The following SPEF2 variants were observed in gnomAD, a reference collection of about 807,000 sequenced individuals.
The protein encoded by SPEF2 is sperm flagella and cilia-associated protein 2.
In SPEF2, 187 loss-of-function variants were observed where a neutral mutation model predicts 224.6. That is an observed-to-expected ratio of 0.83 (90% CI 0.74 to 0.94). The LOEUF is 0.94. Among genes scored for constraint, SPEF2 ranks in the 40% least tolerant of loss-of-function variants. The probability of loss-of-function intolerance (pLI) is 0.00; values close to 1 mark genes in which losing one functional copy is unlikely to be tolerated. For missense variants in SPEF2, 2,170 were observed against 2,135.6 expected (o/e 1.02, Z -0.32); for synonymous variants, 715 against 707.3 (o/e 1.01, Z -0.17).
chr5:35,666,795 AATTCCTCATT>A (rs1158446276), intron 8 of SPEF2, among the ~76,000 whole-genome samples: 3 of 152,174 alleles, frequency 2.0e-5, no homozygotes, highest in Non-Finnish European at 4.4e-5. Flanking sequence ...CTTAAGATCC[AATTCCTCATT>A]AATCCACATT....
chr5:35,714,604 A>G (rs1742147599), intron 20 of SPEF2, among the ~76,000 whole-genome samples: 1 of 151,400 alleles, frequency 6.6e-6, no homozygotes, highest in African/African-American at 2.4e-5. Context: ...TTACAATTAC[A>G]TGGCCTCAGT....
chr5:35,757,762 T>C (rs1750660510), intron 24 of SPEF2, among the ~76,000 whole-genome samples: 1 of 152,202 alleles, frequency 6.6e-6, no homozygotes, highest in Non-Finnish European at 1.5e-5. Context: ...GTTTTTCTTG[T>C]CATTTCAAAA....
chr5:35,673,199 G>A (rs747572460), intron 10 of SPEF2, among the ~76,000 whole-genome samples: 3 of 152,158 alleles, frequency 2.0e-5, no homozygotes, highest in Non-Finnish European at 4.4e-5. Context: ...AAAGCCCAAT[G>A]GACCATGGGT....
chr5:35,724,602 C>T (rs1391548815), intron 20 of SPEF2, among the ~76,000 whole-genome samples: 3 of 152,222 alleles, frequency 2.0e-5, no homozygotes, highest in South Asian at 2.1e-4. Flanking sequence ...ACAGCCAGCC[C>T]GCCTAGACTG....
chr5:35,620,095 A>G (rs1743296367), intron 1 of SPEF2, among the ~76,000 whole-genome samples: 1 of 152,210 alleles, frequency 6.6e-6, no homozygotes, highest in South Asian at 2.1e-4. Flanking sequence ...GGAGGTAACC[A>G]GATTCCACAT....
intron 29 of SPEF2, among the ~76,000 whole-genome samples, chr5:35,778,048 C>T (rs1753845110): frequency 6.6e-6 from 1 of 152,130 alleles, no homozygotes. Context: ...AGACAACATT[C>T]TGGAGTTGAA....
intron 26 of SPEF2, chr5:35,764,453 AC>A: frequency 2.5e-6 from 1 of 405,396 alleles, no homozygotes; most frequent in Non-Finnish European, 4.9e-6. Flanking sequence ...CATACACATA[AC>A]TTTAATCCAA....
intron 36 of SPEF2, among the ~76,000 whole-genome samples, chr5:35,810,466 G>C (rs1758467176): frequency 6.6e-6 from 1 of 152,186 alleles, no homozygotes; most frequent in South Asian, 2.1e-4. Flanking sequence ...ACCCGCCTCA[G>C]CCTCCCAAAG....
intron 30 of SPEF2, chr5:35,781,628 C>A (rs1754352126): frequency 6.6e-6 from 1 of 152,108 alleles, no homozygotes; most frequent in African/African-American, 2.4e-5. Context: ...GCAAGAATAA[C>A]AGTTGTAATT....
chr5:35,707,388 C>G (rs879873921), intron 18 of SPEF2, among the ~76,000 whole-genome samples: 1 of 152,108 alleles, frequency 6.6e-6, no homozygotes, highest in African/African-American at 2.4e-5. Context: ...TGTCTTAATT[C>G]TTGGATGTTT....
intron 5 of SPEF2, 103 bp downstream of exon 5, chr5:35,646,910 C>G (rs1484942708): frequency 3.2e-6 from 4 of 1,249,258 alleles, no homozygotes; most frequent in Non-Finnish European, 4.4e-6. Context: ...CATTTGCTTT[C>G]CAAATTATCT....
intron 21 of SPEF2, among the ~76,000 whole-genome samples, chr5:35,733,816 G>T (rs897018594): frequency 6.6e-5 from 10 of 151,922 alleles, no homozygotes; most frequent in Non-Finnish European, 1.0e-4. Flanking sequence ...ATTGTGACTG[G>T]TCTATGTTCA....
At chr5:35,796,125 A>C (rs928843642) in intron 33 of SPEF2, among the ~76,000 whole-genome samples, 7 of 152,232 alleles carry the variant, frequency 4.6e-5, no homozygotes, top group African/African-American at 1.4e-4. Context: ...CAATTCTAAA[A>C]GCTTAGGATA....
rs551061411 is a variant in SPEF2 at position 35,644,588 on chromosome 5, G to T, written c.585+63G>T. 173 of 1,288,466 alleles carry T rather than the reference G, an allele frequency of 1.3e-4. No homozygotes were observed. The African/African-American group carries it at 2.3e-3, about 17-fold the overall frequency. 79.8% of individuals were successfully genotyped at this position (1,288,466 alleles called of 1,614,324 possible). Reference sequence around the variant, plus strand: ...ATAGTATACAGTTTGTGATTTATGCGTATAGTACACATTGCATAAGTAGTA... The same window carrying T: ...ATAGTATACAGTTTGTGATTTATGCTTATAGTACACATTGCATAAGTAGTA... On this transcript the variant is annotated intron_variant, in intron 4 of 36. Transcript: ENST00000356031.
At chr5:35,702,934 G>T (rs1174240219) in intron 16 of SPEF2, among the ~76,000 whole-genome samples, 1 of 152,030 alleles carries the variant, frequency 6.6e-6, no homozygotes, top group Non-Finnish European at 1.5e-5. Flanking sequence ...TTTGGTGACT[G>T]GTATGCGAGC....
At chr5:35,644,308 A>G in intron 3 of SPEF2, 47 bp from the exon 4 acceptor site, 2 of 1,388,634 alleles carry the variant, frequency 1.4e-6, no homozygotes, top group Non-Finnish European at 1.9e-6. Flanking sequence ...ATGAAAATGT[A>G]CTCTTTATTC....
chr5:35,703,603 G>C (rs1009972916), intron 16 of SPEF2, among the ~76,000 whole-genome samples: 4 of 152,058 alleles, frequency 2.6e-5, no homozygotes, highest in Admixed American at 2.6e-4. Context: ...GGGCTTGGGG[G>C]TTGGGAGGTT....
chr5:35,791,983 C>A (rs1756023643), intron 30 of SPEF2, among the ~76,000 whole-genome samples: 1 of 152,098 alleles, frequency 6.6e-6, no homozygotes, highest in South Asian at 2.1e-4. Flanking sequence ...TTGTGCCCTA[C>A]AGCATGTAGG....
At chr5:35,696,634 A>G (rs918147811) in intron 14 of SPEF2, among the ~76,000 whole-genome samples, 1 of 152,224 alleles carries the variant, frequency 6.6e-6, no homozygotes, top group Admixed American at 6.5e-5. Context: ...TACAAAAGAC[A>G]GGATTTCCTG....
Sources: gnomAD v4.1 joint callset for allele counts (sites outside exome capture counted in the v4.1 genomes callset) on GRCh38, gnomAD v4.1.1 for gene constraint, MANE v1.5 for transcripts, NCBI Gene and HGNC (gene_info 2026-07-23, HGNC 2026-07-21) for gene names.